TENM1: variants seen among roughly 807,000 people sequenced by gnomAD.
The protein encoded by TENM1 is teneurin-1.
Under a neutral mutation model 174.8 loss-of-function variants are expected in TENM1, and 35 were observed. The ratio of observed to expected loss-of-function variants is 0.20; its 90% CI spans 0.15 to 0.27. The LOEUF is 0.27. TENM1 is among the 10% of genes least tolerant of loss of function. The pLI is 1.00. For synonymous variants in TENM1, 781 were observed against 798.7 expected, an observed-to-expected ratio of 0.98 and a Z score of 0.37; for missense variants, 1,633 against 2,130.1, an observed-to-expected ratio of 0.77 and a Z score of 4.59.
the TENM1 span, among the ~76,000 whole-genome samples, chrX:125,031,042 G>A: frequency 9.1e-6 from 1 of 110,200 alleles, no homozygotes; most frequent in Non-Finnish European, 1.9e-5. Context: ...CTGAGGTTTG[G>A]GGTATGACTG....
intron 8 of TENM1, among the ~76,000 whole-genome samples, chrX:124,650,590 CAG>C (rs927647131): frequency 6.3e-5 from 7 of 111,368 alleles, no homozygotes; most frequent in African/African-American, 1.3e-4. Flanking sequence ...AATAGGAAGA[CAG>C]AAAGTCTTCA....
the TENM1 span, among the ~76,000 whole-genome samples, chrX:125,170,993 C>T: frequency 9.0e-6 from 1 of 111,068 alleles, no homozygotes; most frequent in Non-Finnish European, 1.9e-5. Context: ...TAGTAAGATG[C>T]TTTCTTGTCT....
At chrX:124,824,803 T>C (rs1281160211) in intron 3 of TENM1, among the ~76,000 whole-genome samples, 3 of 111,594 alleles carry the variant, frequency 2.7e-5, no homozygotes, top group South Asian at 7.6e-4. Flanking sequence ...AAAAACACAA[T>C]CCATATACTG....
At chrX:124,512,190 G>A (rs1491003442) in intron 18 of TENM1, among the ~76,000 whole-genome samples, 1 of 111,129 alleles carries the variant, frequency 9.0e-6, no homozygotes, top group Non-Finnish European at 1.9e-5. Flanking sequence ...TCACATAATG[G>A]ATGCAGATCA....
At chrX:124,746,408 A>G (rs1435529411) in intron 3 of TENM1, among the ~76,000 whole-genome samples, 2 of 111,885 alleles carry the variant, frequency 1.8e-5, no homozygotes, top group Non-Finnish European at 3.8e-5. Context: ...GTGAAATGTT[A>G]AATAGAGCTA....
At chrX:124,845,058 G>A (rs1030893807) in intron 3 of TENM1, among the ~76,000 whole-genome samples, 8 of 111,680 alleles carry the variant, frequency 7.2e-5, no homozygotes, top group Non-Finnish European at 1.5e-4. Flanking sequence ...TGCATCCTTG[G>A]AGGAGATGGG....
At chrX:125,040,407 T>C in the TENM1 span, among the ~76,000 whole-genome samples, 1 of 111,348 alleles carries the variant, frequency 9.0e-6, no homozygotes, top group Non-Finnish European at 1.9e-5. Flanking sequence ...CTGTAGAAAC[T>C]TAGGACAACA....
intron 11 of TENM1, among the ~76,000 whole-genome samples, chrX:124,610,361 C>A (rs918453124): frequency 1.8e-5 from 2 of 111,919 alleles, no homozygotes; most frequent in African/African-American, 6.5e-5. Context: ...TTTGAACATA[C>A]GAAGTCACTA....
chrX:124,790,422 C>T (rs185194927), intron 3 of TENM1, among the ~76,000 whole-genome samples: 13 of 112,058 alleles, frequency 1.2e-4, no homozygotes, highest in Admixed American at 5.7e-4. Context: ...ATTTGTATGG[C>T]GCTTTATACT....
the TENM1 span, among the ~76,000 whole-genome samples, chrX:125,168,010 C>T: frequency 3.6e-5 from 4 of 110,996 alleles, no homozygotes; most frequent in African/African-American, 1.3e-4. Context: ...TGTAGACATG[C>T]TTGTGTGTGT....
chrX:125,132,913 A>T, the TENM1 span, among the ~76,000 whole-genome samples: 5 of 112,139 alleles, frequency 4.5e-5, no homozygotes, highest in East Asian at 1.4e-3. Flanking sequence ...TAACATTATT[A>T]TGAAGGTAAA....
the TENM1 span, among the ~76,000 whole-genome samples, chrX:125,183,530 G>A: frequency 1.8e-5 from 2 of 111,912 alleles, no homozygotes; most frequent in East Asian, 2.8e-4. Flanking sequence ...ATGGTTTCAA[G>A]GTACAGAGAG....
chrX:124,981,457 C>T, the TENM1 span, among the ~76,000 whole-genome samples: 1 of 111,890 alleles, frequency 8.9e-6, no homozygotes, highest in Non-Finnish European at 1.9e-5. Flanking sequence ...GATGAAATAA[C>T]AGGGAGGAAG....
Position 124,502,059 on chromosome X carries a change from C to T in TENM1, c.3445+1501G>A, listed in dbSNP as rs927782242. Among the ~76,000 whole-genome samples, 8 of 111,958 alleles carry T rather than the reference C, an allele frequency of 7.1e-5. No individual in the cohort carries two copies. The South Asian group carries it at 1.8e-3, about 26-fold the overall frequency. On this transcript the variant is annotated intron_variant, in intron 19 of 31. Transcript: ENST00000422452. Reference sequence around the variant, plus strand: ...TTTAGTGGGGCTGTGAATGAGCACACAAAATCTTTTGGGGGTGATAAAAAT... The same window carrying T: ...TTTAGTGGGGCTGTGAATGAGCACATAAAATCTTTTGGGGGTGATAAAAAT...
the TENM1 span, among the ~76,000 whole-genome samples, chrX:125,189,364 A>G: frequency 8.9e-6 from 1 of 112,451 alleles, no homozygotes; most frequent in African/African-American, 3.2e-5. Context: ...TGGGCTAACT[A>G]CCGTTTAAGA....
chrX:124,483,922 T>G (rs112433084), intron 21 of TENM1, among the ~76,000 whole-genome samples: 9,518 of 111,655 alleles, frequency 0.085, 350 homozygotes, highest in Middle Eastern at 0.11. Context: ...TTTTTAAAAC[T>G]TATTAAATGA....
At chrX:124,796,236 C>T (rs937520468) in intron 3 of TENM1, among the ~76,000 whole-genome samples, 9 of 111,696 alleles carry the variant, frequency 8.1e-5, no homozygotes, top group Admixed American at 6.6e-4. Context: ...CTTTGCAGTA[C>T]CATAATTGTT....
chrX:124,461,252 G>A (rs1603275703), intron 22 of TENM1, among the ~76,000 whole-genome samples: 1 of 112,104 alleles, frequency 8.9e-6, no homozygotes, highest in Admixed American at 9.5e-5. Flanking sequence ...ATGAATGCTG[G>A]TGAGGATGTG....
chrX:124,422,044 G>A (rs777200261), intron 24 of TENM1, among the ~76,000 whole-genome samples: 2 of 112,060 alleles, frequency 1.8e-5, no homozygotes, highest in East Asian at 5.6e-4. Flanking sequence ...TTAAACAAAT[G>A]AAGCAAATGA....
Sources: allele counts gnomAD v4.1 joint callset (sites outside exome capture counted in the v4.1 genomes callset), GRCh38; gene constraint gnomAD v4.1.1; transcripts MANE v1.5; gene names NCBI Gene and HGNC (gene_info 2026-07-23, HGNC 2026-07-21).